The following BSND variants were observed in gnomAD, a reference collection of about 807,000 sequenced individuals.
BSND encodes barttin.
Under a neutral mutation model 18.8 loss-of-function variants are expected in BSND, and 13 were observed. The ratio of observed to expected loss-of-function variants is 0.69; its 90% CI spans 0.45 to 1.10. The LOEUF is 1.10. BSND is among the 50% of genes least tolerant of loss of function. BSND has a pLI of 0.00. For missense variants in BSND, 379 were observed against 416.7 expected, an observed-to-expected ratio of 0.91 and a Z score of 0.79; for synonymous variants, 170 against 161.8, an observed-to-expected ratio of 1.05 and a Z score of -0.39.
At chr1:55,007,361 G>T in intron 3 of BSND, 89 bp downstream of exon 3, 1 of 709,316 alleles carries the variant, frequency 1.4e-6, no homozygotes, top group Admixed American at 3.2e-5. Flanking sequence ...GGTGGGTGGG[G>T]ACACTGGGGG....
chr1:55,003,450 C>G (rs116714446), intron 1 of BSND, among the ~76,000 whole-genome samples: 210 of 152,130 alleles, frequency 1.4e-3, no homozygotes, highest in African/African-American at 4.3e-3. Context: ...TGCCCAGGAG[C>G]TCTGTTTTAT....
In BSND at chr1:55,008,918, A is replaced by G; in HGVS notation, c.*290A>G. The stretch of plus-strand genomic sequence containing the variant: ...CATTTTCCACCTTCCCCCAAAGCTG[A>G]CCTCTGAGAGGAACCTTCCTTGGTG... On this transcript the variant is annotated 3_prime_UTR_variant, in exon 4 of 4. Transcript: ENST00000651561. 1 of 479,914 alleles carries G rather than the reference A, an allele frequency of 2.1e-6. No homozygotes were observed. Among genetic ancestry groups the G allele is most frequent in the Non-Finnish European group, 3.8e-6 (1 of 263,770 alleles). The allele number at this position is 479,914 out of a possible 1,614,324, so 29.7% of individuals were successfully genotyped here.
rs985925563 is a variant in BSND at position 55,015,534 on chromosome 1, C to T, written c.*6906C>T. The stretch of plus-strand genomic sequence containing the variant: ...TGCACATCCCGGAGAAGAGCAGACA[C>T]GGTGTGGTGGGTAGGTGGATGAGAC... On this transcript the variant is annotated 3_prime_UTR_variant, in exon 4 of 4. Coordinates refer to ENST00000651561, the MANE Select transcript of BSND (RefSeq NM_057176.3). 4.6e-5 allele frequency among the ~76,000 whole-genome samples: 7 copies of T among 152,276 alleles called. No homozygotes were observed. Among genetic ancestry groups the T allele is most frequent in the South Asian group, 2.1e-4 (1 of 4,820 alleles).
rs918936682 is a variant in BSND at position 55,015,571 on chromosome 1, G to A, written c.*6943G>A. On this transcript the variant is annotated 3_prime_UTR_variant, in exon 4 of 4. Transcript: ENST00000651561. ...TAGGTGGATGAGACCAGGCTTTGGG[G>A]ATCAGATCAGCAAGCCTGGGGGTAA... Among the ~76,000 whole-genome samples, 1 of 152,216 alleles carries A rather than the reference G, an allele frequency of 6.6e-6. No homozygotes were observed. Among genetic ancestry groups the A allele is most frequent in the African/African-American group, 2.4e-5 (1 of 41,446 alleles).
Position 55,012,943 on chromosome 1 carries a change from T to C in BSND, c.*4315T>C, listed in dbSNP as rs117554455. Among the ~76,000 whole-genome samples the C allele has an allele frequency of 1.3e-5, 2 of 152,250 alleles. No individual in the cohort carries two copies. Among genetic ancestry groups the C allele is most frequent in the East Asian group, 1.9e-4 (1 of 5,174 alleles). ...AGTGTCAGGTGCTTCCCATAAATCA[T>C]TTCATTGAATTTAATTTTTCCATCT... is the stretch of plus-strand genomic sequence containing the variant. On this transcript the variant is annotated 3_prime_UTR_variant, in exon 4 of 4. Coordinates refer to ENST00000651561, the MANE Select transcript of BSND (RefSeq NM_057176.3).
intron 1 of BSND, among the ~76,000 whole-genome samples, chr1:55,003,849 C>T (rs1255245866): frequency 7.8e-6 from 1 of 128,352 alleles, no homozygotes; most frequent in Admixed American, 7.0e-5. Flanking sequence ...CATTTTAAAA[C>T]TCATGGTAAA....
chr1:55,013,231 T>C lies in BSND; in HGVS notation c.*4603T>C, dbSNP rs1216481368. 9.9e-5 allele frequency among the ~76,000 whole-genome samples: 15 copies of C among 152,160 alleles called. No individual in the cohort carries two copies. Among genetic ancestry groups the C allele is most frequent in the Admixed American group, 9.8e-4 (15 of 15,288 alleles). Reference sequence around the variant, plus strand: ...CAGGCTAGAGTGCAATGGCGCAATCTCAGCTTGCTGCAACCTCCACCTCCC... The same window carrying C: ...CAGGCTAGAGTGCAATGGCGCAATCCCAGCTTGCTGCAACCTCCACCTCCC... On this transcript the variant is annotated 3_prime_UTR_variant, in exon 4 of 4. Coordinates refer to ENST00000651561, the MANE Select transcript of BSND (RefSeq NM_057176.3).
intron 3 of BSND, 96 bp downstream of exon 3, chr1:55,007,368 G>A: frequency 7.5e-7 from 1 of 1,341,156 alleles, no homozygotes; most frequent in Non-Finnish European, 1.0e-6. Flanking sequence ...GGGGACACTG[G>A]GGGTAAGGAG....
rs1345706152 is a variant in BSND at position 55,015,027 on chromosome 1, G to C, written c.*6399G>C. On this transcript the variant is annotated 3_prime_UTR_variant, in exon 4 of 4. Transcript: ENST00000651561. ...AGGGAGGCCGCAGCTTGGCCATGGGGCTTCTTGAATTCCTGCCACGGAGCT... is the reference window on the plus strand; with the variant it reads ...AGGGAGGCCGCAGCTTGGCCATGGGCCTTCTTGAATTCCTGCCACGGAGCT... Among the ~76,000 whole-genome samples, 1 of 152,168 alleles carries C rather than the reference G, an allele frequency of 6.6e-6. No individual in the cohort carries two copies. The highest frequency in any genetic ancestry group is 1.5e-5 in the Non-Finnish European group (1 of 68,044).
rs536137235 is a variant in BSND, at chr1:55,016,935, T to C, written c.*8307T>C. Among the ~76,000 whole-genome samples the C allele has an allele frequency of 3.9e-5, 6 of 152,364 alleles. No individual in the cohort carries two copies. In the East Asian group the frequency reaches 1.2e-3, roughly 29 times the overall value. On this transcript the variant is annotated 3_prime_UTR_variant, in exon 4 of 4. Coordinates refer to ENST00000651561, the MANE Select transcript of BSND (RefSeq NM_057176.3). ...CGGCCATTCAAAACAGTGACCCTCCTGATTGAATCAAATCCCCTATCACCA... is the reference window on the plus strand; with the variant it reads ...CGGCCATTCAAAACAGTGACCCTCCCGATTGAATCAAATCCCCTATCACCA...
In BSND at chr1:55,012,781, G is replaced by A. The variant is rs1207481639; in HGVS notation, c.*4153G>A. Among the ~76,000 whole-genome samples the A allele has an allele frequency of 2.0e-5, 3 of 152,188 alleles. No homozygotes were observed. Among genetic ancestry groups the A allele is most frequent in the African/African-American group, 7.2e-5 (3 of 41,436 alleles). ...GCCAACAGCAAGTGCAGGGACTAAG[G>A]TGTATAAAATGCCTCCTGTGGGGCA... On this transcript the variant is annotated 3_prime_UTR_variant, in exon 4 of 4. Transcript: ENST00000651561.
chr1:54,999,412 G>T (rs780391724), intron 1 of BSND, 49 bp downstream of exon 1: 1 of 1,566,400 alleles, frequency 6.4e-7, no homozygotes, highest in Non-Finnish European at 8.7e-7. Context: ...GGGCCAGGAG[G>T]GCTGGACACT....
rs1184966494 is a variant in BSND, at chr1:54,999,362, AGGTAGGT to A, written c.177+5_177+11del. ...TGGAGCATGTGCCAGTGCTACCCCA[AGGTAGGT>A]GGTAGTGGGGCTGGGTGGGGCCAGG... On this transcript the variant is annotated splice_donor_variant and splice_donor_5th_base_variant and coding_sequence_variant and intron_variant, in exon 1 of 4. Coordinates refer to ENST00000651561, the MANE Select transcript of BSND (RefSeq NM_057176.3). LOFTEE classifies it high-confidence loss of function. The A allele has an allele frequency of 3.7e-6, 6 of 1,607,172 alleles. No individual in the cohort carries two copies. The highest frequency in any genetic ancestry group is 5.1e-6 in the Non-Finnish European group (6 of 1,174,702).
rs772497022 is a variant in BSND, at chr1:55,005,094, G to A, written c.250G>A (p.Gly84Arg). Reference sequence around the variant, plus strand: ...AAAGGCCATGGGCCTGCTGGAGAATGGGCTTGCTGCCGAGATGAAGAGGTA... The same window carrying A: ...AAAGGCCATGGGCCTGCTGGAGAATAGGCTTGCTGCCGAGATGAAGAGGTA... Reference protein sequence around the residue: ...SPKAMGLLENGLAAEMKSPSP... With the variant: ...SPKAMGLLENRLAAEMKSPSP... Residue 84 changes from glycine (G) to arginine (R), a missense_variant, in exon 2 of 4, where the codon GGG becomes AGG. Physicochemically the swap from Gly to Arg is moderately radical, Grantham distance 125 (BLOSUM62 -2). Coordinates refer to ENST00000651561, the MANE Select transcript of BSND (RefSeq NM_057176.3). The A allele has an allele frequency of 5.6e-6, 9 of 1,614,076 alleles. No homozygotes were observed. In the East Asian group the frequency reaches 8.9e-5, roughly 16 times the overall value.
Position 55,008,078 on chromosome 1 carries a change from A to G in BSND, c.549-136A>G, listed in dbSNP as rs1644400562. On this transcript the variant is annotated intron_variant, in intron 3 of 3. Coordinates refer to ENST00000651561, the MANE Select transcript of BSND (RefSeq NM_057176.3). ...ACCTAAGAAAGAACTGCAGGAGTGA[A>G]TTCTGTTATTGGGAAGAAACTGAGG... 45 of 721,664 alleles carry G rather than the reference A, an allele frequency of 6.2e-5. 1 individual carries two copies. In the South Asian group the frequency reaches 7.2e-4, roughly 12 times the overall value. The allele number at this position is 721,664 out of a possible 1,614,324, so 44.7% of individuals were successfully genotyped here. A position where few individuals can be genotyped will look rare whatever the true frequency, so the allele number is the denominator to read the frequency against.
Position 54,998,948 on chromosome 1 carries a change from G to T in BSND, c.-239G>T. The T allele has an allele frequency of 1.8e-6, 1 of 551,680 alleles. No homozygotes were observed. The highest frequency in any genetic ancestry group is 3.3e-6 in the Non-Finnish European group (1 of 307,070). The allele number at this position is 551,680 out of a possible 1,614,324, so 34.2% of individuals were successfully genotyped here. A position where few individuals can be genotyped will look rare whatever the true frequency, so the allele number is the denominator to read the frequency against. ...AGCCGGGCCCAGAGGGAAGGTGAGA[G>T]GGCAAGGAGTAAAGGTGGCTGGGTG... On this transcript the variant is annotated 5_prime_UTR_variant, in exon 1 of 4. In the 5' UTR this introduces an upstream ATG that the reference lacks. Transcript: ENST00000651561.
At chr1:55,000,409 C>T (rs1644355362) in intron 1 of BSND, among the ~76,000 whole-genome samples, 1 of 151,490 alleles carries the variant, frequency 6.6e-6, no homozygotes. Flanking sequence ...AAGCCCCTTT[C>T]CTCTCTGAGC....
chr1:55,016,324 AAC>A lies in BSND; in HGVS notation c.*7698_*7699del, dbSNP rs1240376743. ...GAAATATCTGTGATCCCACAAAAGA[AAC>A]AAATGAAAACATGGTTAACCTCAGG... On this transcript the variant is annotated 3_prime_UTR_variant, in exon 4 of 4. Coordinates refer to ENST00000651561, the MANE Select transcript of BSND (RefSeq NM_057176.3). 6.6e-6 allele frequency among the ~76,000 whole-genome samples: 1 copy of A among 152,228 alleles called. No homozygotes were observed. The highest frequency in any genetic ancestry group is 1.5e-5 in the Non-Finnish European group (1 of 68,038).
At position 55,014,457 on chromosome 1, in the gene BSND, G is replaced by A. The variant is rs776710351; in HGVS notation, c.*5829G>A. 7.2e-5 allele frequency among the ~76,000 whole-genome samples: 11 copies of A among 152,218 alleles called. No homozygotes were observed. The highest frequency in any genetic ancestry group is 1.6e-4 in the Non-Finnish European group (11 of 68,044). On this transcript the variant is annotated 3_prime_UTR_variant, in exon 4 of 4. Transcript: ENST00000651561. ...GATGAGATCATGCATATTGAGTGTA[G>A]CATGTGCCTAGCACCTGGTGAGCCC...
Sources: gnomAD v4.1 joint callset for allele counts (sites outside exome capture counted in the v4.1 genomes callset) on GRCh38, gnomAD v4.1.1 for gene constraint, MANE v1.5 for transcripts, NCBI Gene and HGNC (gene_info 2026-07-23, HGNC 2026-07-21) for gene names.